Variants in CA4 observed in about 807,000 individuals in gnomAD.
The protein encoded by CA4 is carbonic anhydrase 4.
CA4 carries 24 observed loss-of-function variants against 34.5 expected under a neutral mutation model. That is an observed-to-expected ratio of 0.70 (90% CI 0.50 to 0.98). CA4 has a LOEUF of 0.98. Ranked by LOEUF, CA4 falls within the 50% of genes least tolerant of loss-of-function variation. The pLI, the probability that CA4 is intolerant of heterozygous loss-of-function variation, is 0.00. For missense variants in CA4, 394 were observed against 396.7 expected (o/e 0.99, Z 0.06); for synonymous variants, 178 against 170.6 (o/e 1.04, Z -0.34).
chr17:60,150,639 G>C (rs2083573434), intron 1 of CA4, among the ~76,000 whole-genome samples: 1 of 116,358 alleles, frequency 8.6e-6, no homozygotes, highest in South Asian at 3.1e-4. Context: ...CTGCACTCCA[G>C]CCTGGTGCTC....
chr17:60,155,804 G>A (rs923819546), intron 2 of CA4, among the ~76,000 whole-genome samples: 12 of 152,144 alleles, frequency 7.9e-5, no homozygotes, highest in South Asian at 4.1e-4. Flanking sequence ...GGAATAAATC[G>A]GTAGCAGCAT....
At chr17:60,169,016 G>GCC (rs1381672152) in intron 5 of CA4, among the ~76,000 whole-genome samples, 13 of 152,154 alleles carry the variant, frequency 8.5e-5, no homozygotes, top group Admixed American at 3.3e-4. Flanking sequence ...GGAGGCCAAG[G>GCC]TGGGCAGATC....
downstream of CA4, among the ~76,000 whole-genome samples, chr17:60,164,012 C>G (rs1055359875): frequency 6.6e-6 from 1 of 151,880 alleles, no homozygotes; most frequent in Admixed American, 6.6e-5. Context: ...GCCTATGGTC[C>G]CAGTTACTTG....
At chr17:60,154,205 G>T (rs1161735531) in intron 1 of CA4, among the ~76,000 whole-genome samples, 1 of 133,748 alleles carries the variant, frequency 7.5e-6, no homozygotes, top group Non-Finnish European at 1.5e-5. Context: ...GCCCCTCCTT[G>T]GCTTTGGCCA....
At chr17:60,164,876 G>A (rs1964661183) in intron 5 of CA4, among the ~76,000 whole-genome samples, 1 of 152,028 alleles carries the variant, frequency 6.6e-6, no homozygotes. Context: ...CGGGCATGCA[G>A]CCCAGACTCA....
intron 5 of CA4, 47 bp from the exon 6 acceptor site, chr17:60,158,014 C>CA (rs1294093813): frequency 1.2e-6 from 2 of 1,607,100 alleles, no homozygotes; most frequent in Non-Finnish European, 1.7e-6. Context: ...TGGCCACCAC[C>CA]ACTGGCTCCC....
chr17:60,150,307 G>T (rs1012793529), intron 1 of CA4, among the ~76,000 whole-genome samples: 1 of 152,222 alleles, frequency 6.6e-6, no homozygotes, highest in Admixed American at 6.5e-5. Context: ...GGCTGGGGGA[G>T]CGTGTGCACG....
chr17:60,156,113 C>A (rs934594935), intron 2 of CA4, among the ~76,000 whole-genome samples: 14 of 152,164 alleles, frequency 9.2e-5, no homozygotes, highest in Non-Finnish European at 1.8e-4. Context: ...CAGCAGCCCC[C>A]CCGGGGGTCC....
rs544779587 is a variant in CA4, at chr17:60,153,106, G to A, written c.59-2208G>A. On this transcript the variant is annotated intron_variant, in intron 1 of 7. Coordinates refer to ENST00000300900, the MANE Select transcript of CA4 (RefSeq NM_000717.5). Reference sequence around the variant, plus strand: ...TAATCCCAGCACTTTGGGAGGCCGAGGCGGGTGGATCATTTGAGGTCAGGA... The same window carrying A: ...TAATCCCAGCACTTTGGGAGGCCGAAGCGGGTGGATCATTTGAGGTCAGGA... Among the ~76,000 whole-genome samples the A allele has an allele frequency of 2.6e-5, 4 of 152,294 alleles. No homozygotes were observed. In the South Asian group the frequency reaches 8.3e-4, roughly 32 times the overall value.
intron 1 of CA4, among the ~76,000 whole-genome samples, chr17:60,152,204 C>T (rs2083605066): frequency 6.6e-6 from 1 of 151,880 alleles, no homozygotes; most frequent in Non-Finnish European, 1.5e-5. Flanking sequence ...CCTCTCCTTC[C>T]CAAGCCCTCT....
At chr17:60,169,001 GT>G (rs1399673568) in intron 5 of CA4, among the ~76,000 whole-genome samples, 1 of 152,108 alleles carries the variant, frequency 6.6e-6, no homozygotes, top group East Asian at 1.9e-4. Flanking sequence ...AATCCCAGCA[GT>G]TTGGGAGGCC....
intron 5 of CA4, 132 bp downstream of exon 5, chr17:60,157,920 G>A: frequency 6.5e-7 from 1 of 1,540,150 alleles, no homozygotes; most frequent in Non-Finnish European, 8.8e-7. Context: ...TTCTGGGGTT[G>A]CATGTCCCCG....
intron 1 of CA4, among the ~76,000 whole-genome samples, chr17:60,154,127 C>T (rs907542664): frequency 2.6e-5 from 4 of 151,932 alleles, no homozygotes; most frequent in Non-Finnish European, 4.4e-5. Context: ...TGAGTGGGAA[C>T]CGTGCTTTTC....
downstream of CA4, chr17:60,159,566 T>C (rs2083761420): frequency 5.0e-6 from 5 of 992,044 alleles, no homozygotes; most frequent in Non-Finnish European, 7.6e-6. Flanking sequence ...AGTGTGTTTT[T>C]AGCCTTCCAC....
rs192809163 is a variant in CA4 at position 60,164,975 on chromosome 17, A to C, written c.*179-5576A>C. Among the ~76,000 whole-genome samples the C allele has an allele frequency of 1.4e-3, 208 of 152,258 alleles. 2 individuals carry two copies. Among genetic ancestry groups the C allele is most frequent in the Admixed American group, 2.8e-3 (43 of 15,292 alleles). Reference sequence around the variant, plus strand: ...CATTTTTCTGAGCCTCAGTTTCCTCATCTGTGAAATGGGGGTGATGACAGC... The same window carrying C: ...CATTTTTCTGAGCCTCAGTTTCCTCCTCTGTGAAATGGGGGTGATGACAGC... On this transcript the variant is annotated intron_variant and NMD_transcript_variant, in intron 5 of 5. Coordinates refer to the CA4 transcript ENST00000586876.
At chr17:60,166,074 C>T (rs535864315) in intron 5 of CA4, among the ~76,000 whole-genome samples, 1 of 152,316 alleles carries the variant, frequency 6.6e-6, no homozygotes, top group African/African-American at 2.4e-5. Flanking sequence ...GGTCACCTCC[C>T]TCCCTAATGG....
At chr17:60,153,683 C>T (rs538624110) in intron 1 of CA4, among the ~76,000 whole-genome samples, 2 of 152,310 alleles carry the variant, frequency 1.3e-5, no homozygotes, top group East Asian at 3.9e-4. Context: ...CAGATAACTC[C>T]CCTGTGGAGA....
intron 7 of CA4, 184 bp downstream of exon 7, chr17:60,158,630 TG>T: frequency 1.6e-6 from 1 of 644,382 alleles, no homozygotes; most frequent in South Asian, 1.8e-5. Context: ...ATCACCAGAT[TG>T]GGGGCTAGAC....
chr17:60,159,502 T>TGG lies in CA4; in HGVS notation c.*80_*81dup. On this transcript the variant is annotated 3_prime_UTR_variant, in exon 8 of 8. Transcript: ENST00000300900. ...GCTTCCGGTCCTTAGCCTTCCCAGGTGGGACTTTAGGCATGATTAAAATAT... is the reference window on the plus strand; with the variant it reads ...GCTTCCGGTCCTTAGCCTTCCCAGGTGGGGGACTTTAGGCATGATTAAAATAT... 2 of 1,484,694 alleles carry TGG rather than the reference T, an allele frequency of 1.3e-6. No homozygotes were observed. Among genetic ancestry groups the TGG allele is most frequent in the Non-Finnish European group, 1.8e-6 (2 of 1,082,558 alleles). The allele number at this position is 1,484,694 out of a possible 1,614,324, so 92.0% of individuals were successfully genotyped here.
Sources: allele counts gnomAD v4.1 joint callset (sites outside exome capture counted in the v4.1 genomes callset), GRCh38; gene constraint gnomAD v4.1.1; transcripts MANE v1.5; gene names NCBI Gene and HGNC (gene_info 2026-07-23, HGNC 2026-07-21).